The following TXNRD1 variants were observed in gnomAD, a reference collection of about 807,000 sequenced individuals.
The protein encoded by TXNRD1 is thioredoxin reductase 1, also known as thioredoxin reductase 1, cytoplasmic.
In TXNRD1, 57 loss-of-function variants were observed where a neutral mutation model predicts 80.3. The ratio of observed to expected loss-of-function variants is 0.71; its 90% CI spans 0.57 to 0.89. The LOEUF (loss-of-function observed/expected upper bound fraction) is 0.89, where lower values mean the gene tolerates loss of function less well. Among genes scored for constraint, TXNRD1 ranks in the 40% least tolerant of loss-of-function variants. The probability of loss-of-function intolerance (pLI) is 0.00; values close to 1 mark genes in which losing one functional copy is unlikely to be tolerated. For synonymous variants in TXNRD1, 291 were observed against 285.2 expected, an observed-to-expected ratio of 1.02 and a Z score of -0.20; for missense variants, 730 against 803.0, an observed-to-expected ratio of 0.91 and a Z score of 1.10.
intron 4 of TXNRD1, among the ~76,000 whole-genome samples, chr12:104,290,749 A>ATATATG (rs1356105744): frequency 8.5e-6 from 1 of 117,024 alleles, no homozygotes; most frequent in Non-Finnish European, 1.8e-5. Context: ...ATATATATAT[A>ATATATG]TATATATATG....
intron 7 of TXNRD1, 100 bp from the exon 8 acceptor site, chr12:104,318,813 A>G: frequency 8.4e-6 from 11 of 1,304,948 alleles, no homozygotes; most frequent in Non-Finnish European, 1.1e-5. Context: ...ATTGCCTTTT[A>G]GAGCTCTGCT....
At chr12:104,346,921 C>T (rs1218550647) in intron 16 of TXNRD1, among the ~76,000 whole-genome samples, 1 of 152,042 alleles carries the variant, frequency 6.6e-6, no homozygotes, top group Non-Finnish European at 1.5e-5. Flanking sequence ...GTGGTGAAAC[C>T]CTGTCTCTAC....
chr12:104,245,517 C>CAAAAAAAAAAAAAAAAAA (rs10622971), intron 1 of TXNRD1, among the ~76,000 whole-genome samples: 1 of 29,262 alleles, frequency 3.4e-5, no homozygotes, highest in African/African-American at 9.9e-5. Flanking sequence ...AACTCCATCT[C>CAAAAAAAAAAAAAAAAAA]AAAAAAAAAA....
rs761640158 is a variant in TXNRD1, at chr12:104,337,953, A to AT, written c.1747-1165dup. On this transcript the variant is annotated intron_variant, in intron 15 of 16. Coordinates refer to ENST00000525566, the MANE Select transcript of TXNRD1 (RefSeq NM_001093771.3). ...AGATGTGAGCCACTGTGCCCAGCTA[A>AT]TTTTTTTTTTTTTTTTTTTTTCCTG... Among the ~76,000 whole-genome samples, 362 of 116,846 alleles carry AT rather than the reference A, an allele frequency of 3.1e-3. 3 individuals carry two copies. The highest frequency in any genetic ancestry group is 5.9e-3 in the Middle Eastern group (1 of 170). The allele number at this position is 116,846 out of a possible 152,430, so 76.7% of individuals were successfully genotyped here.
At chr12:104,251,924 C>T (rs923913409) in intron 2 of TXNRD1, among the ~76,000 whole-genome samples, 4 of 151,914 alleles carry the variant, frequency 2.6e-5, no homozygotes, top group South Asian at 2.1e-4. Context: ...ATTAGCCCAA[C>T]GTGGTGTCAT....
intron 1 of TXNRD1, among the ~76,000 whole-genome samples, chr12:104,250,928 C>T (rs2033105433): frequency 1.3e-5 from 2 of 152,154 alleles, no homozygotes; most frequent in South Asian, 4.1e-4. Flanking sequence ...GAATAACATA[C>T]CACTAAGCTG....
intron 16 of TXNRD1, among the ~76,000 whole-genome samples, chr12:104,344,110 GTAAAA>G (rs2036415347): frequency 6.6e-6 from 1 of 151,952 alleles, no homozygotes; most frequent in Non-Finnish European, 1.5e-5. Context: ...AAAAAAAAAA[GTAAAA>G]TAAAATAAGG....
At chr12:104,324,007 G>A (rs2035661915) in intron 10 of TXNRD1, among the ~76,000 whole-genome samples, 1 of 152,160 alleles carries the variant, frequency 6.6e-6, no homozygotes, top group Non-Finnish European at 1.5e-5. Context: ...GTGGAGAGTG[G>A]GGAGAGGGTA....
chr12:104,343,860 T>C (rs2036407598), intron 16 of TXNRD1, among the ~76,000 whole-genome samples: 1 of 151,710 alleles, frequency 6.6e-6, no homozygotes, highest in Admixed American at 6.6e-5. Context: ...TCCCAGCACT[T>C]TAGGAGGCCA....
chr12:104,291,580 T>G (rs1293918616), intron 4 of TXNRD1, among the ~76,000 whole-genome samples: 6 of 147,320 alleles, frequency 4.1e-5, no homozygotes, highest in Non-Finnish European at 8.9e-5. Context: ...GCCCCTCGGG[T>G]TCAAGTGATT....
intron 1 of TXNRD1, among the ~76,000 whole-genome samples, chr12:104,232,852 A>G (rs1364752139): frequency 6.6e-6 from 1 of 152,210 alleles, no homozygotes; most frequent in Non-Finnish European, 1.5e-5. Context: ...GAGCATACCA[A>G]ACAAAGAAAA....
At chr12:104,248,891 C>G (rs2033052324) in intron 1 of TXNRD1, among the ~76,000 whole-genome samples, 1 of 152,052 alleles carries the variant, frequency 6.6e-6, no homozygotes, top group Non-Finnish European at 1.5e-5. Context: ...ACGATCTCGG[C>G]TCACTGCAAC....
At chr12:104,343,302 A>AGC (rs987543829) in intron 16 of TXNRD1, among the ~76,000 whole-genome samples, 32 of 152,312 alleles carry the variant, frequency 2.1e-4, no homozygotes, top group African/African-American at 7.5e-4. Context: ...CAGACCCCAA[A>AGC]GCACCACATT....
chr12:104,324,109 G>C (rs1257232120), intron 10 of TXNRD1, among the ~76,000 whole-genome samples: 11 of 152,148 alleles, frequency 7.2e-5, no homozygotes. Flanking sequence ...AAGTACAAAA[G>C]TGAATAAGGG....
rs201777096 is a variant in TXNRD1 at position 104,321,196 on chromosome 12, C to T, written c.1095C>T (p.Asp365=). Residue 365 remains aspartate (D), a synonymous_variant, in exon 10 of 17, where the codon GAC becomes GAT. Coordinates refer to ENST00000525566, the MANE Select transcript of TXNRD1 (RefSeq NM_001093771.3). ...CAGFLAGIGL[D]VTVMVRSILL... is the part of the protein sequence containing the mutation. Reference sequence around the variant, plus strand: ...GATTTCTTGCTGGTATTGGTTTAGACGTCACTGTTATGGTTAGGTCCATTC... The same window carrying T: ...GATTTCTTGCTGGTATTGGTTTAGATGTCACTGTTATGGTTAGGTCCATTC... The T allele has an allele frequency of 3.7e-5, 59 of 1,613,556 alleles. 1 individual carries two copies. The highest frequency in any genetic ancestry group is 6.6e-5 in the South Asian group (6 of 91,062).
chr12:104,292,394 C>CTT (rs2034254313), intron 4 of TXNRD1, among the ~76,000 whole-genome samples: 1 of 105,766 alleles, frequency 9.5e-6, no homozygotes, highest in Non-Finnish European at 2.2e-5. Context: ...CGCCCCCCCG[C>CTT]CTTTTTTTTT....
chr12:104,279,640 T>G (rs1316709444), intron 3 of TXNRD1, among the ~76,000 whole-genome samples: 1 of 152,236 alleles, frequency 6.6e-6, no homozygotes, highest in Non-Finnish European at 1.5e-5. Context: ...AAGGGTATAT[T>G]CAACAGACTT....
At chr12:104,226,804 A>G (rs1175288007) in intron 1 of TXNRD1, among the ~76,000 whole-genome samples, 1 of 152,148 alleles carries the variant, frequency 6.6e-6, no homozygotes, top group Non-Finnish European at 1.5e-5. Flanking sequence ...AAATAAAAAT[A>G]CCTAGCATTT....
At position 104,321,293 on chromosome 12, in the gene TXNRD1, A is replaced by G. The variant is rs376165844; in HGVS notation, c.1192A>G (p.Ile398Val). Residue 398 changes from isoleucine to valine, a missense_variant, in exon 10 of 17, where the codon ATA (isoleucine) becomes GTA (valine). Ile to Val is a conservative substitution (Grantham distance 29). Coordinates refer to ENST00000525566, the MANE Select transcript of TXNRD1 (RefSeq NM_001093771.3). ...CATGGAAGAACATGGCATCAAGTTT[A>G]TAAGACAGTTCGTACCAATTAAAGT... is the stretch of plus-strand genomic sequence containing the variant. ...EHMEEHGIKF[I>V]RQFVPIKVEQ... 3 of 1,613,884 alleles carry G rather than the reference A, an allele frequency of 1.9e-6. No homozygotes were observed. Among genetic ancestry groups the G allele is most frequent in the African/African-American group, 1.3e-5 (1 of 74,934 alleles).
Sources: allele counts gnomAD v4.1 joint callset (sites outside exome capture counted in the v4.1 genomes callset), GRCh38; gene constraint gnomAD v4.1.1; transcripts MANE v1.5; gene names NCBI Gene and HGNC (gene_info 2026-07-23, HGNC 2026-07-21).